Variants in RO60 observed in about 807,000 individuals in gnomAD.
RO60 encodes RNA-binding protein RO60.
Under a neutral mutation model 55.3 loss-of-function variants are expected in RO60, and 20 were observed. The ratio of observed to expected loss-of-function variants is 0.36; its 90% CI spans 0.25 to 0.53. The LOEUF is 0.53. Ranked by LOEUF, RO60 falls within the 20% of genes least tolerant of loss-of-function variation. The pLI is 0.92. For synonymous variants in RO60, 213 were observed against 213.6 expected (o/e 1.00, Z 0.02); for missense variants, 558 against 646.6 (o/e 0.86, Z 1.49).
intron 5 of RO60, among the ~76,000 whole-genome samples, chr1:193,080,005 C>T (rs1036995352): frequency 6.6e-6 from 1 of 151,266 alleles, no homozygotes; most frequent in Non-Finnish European, 1.5e-5. Flanking sequence ...GTGGCGGGCG[C>T]CTGTAATCCC....
intron 2 of RO60, among the ~76,000 whole-genome samples, chr1:193,075,616 A>T (rs1302376106): frequency 6.6e-6 from 1 of 152,088 alleles, no homozygotes; most frequent in Non-Finnish European, 1.5e-5. Flanking sequence ...CTAAAGTCTC[A>T]TATTTAAATA....
intron 2 of RO60, among the ~76,000 whole-genome samples, chr1:193,071,161 G>A (rs546391755): frequency 6.6e-6 from 1 of 152,294 alleles, no homozygotes; most frequent in African/African-American, 2.4e-5. Context: ...GTGCTCTTAT[G>A]AGACTAATGC....
chr1:193,082,479 G>A, intron 7 of RO60, 83 bp from the exon 8 acceptor site: 1 of 1,481,992 alleles, frequency 6.7e-7, no homozygotes, highest in African/African-American at 1.4e-5. Flanking sequence ...TGTATATATT[G>A]GTGCTAAACA....
chr1:193,085,087 T>A lies in RO60; in HGVS notation c.*356T>A. ...CCACATCATGTTACTTGAGAAGTGC[T>A]TAACGTTTTCTTAAATGTTTTCATT... On this transcript the variant is annotated 3_prime_UTR_variant, in exon 9 of 9. Coordinates refer to ENST00000400968, the MANE Select transcript of RO60 (RefSeq NM_001173524.2). The A allele has an allele frequency of 6.7e-7, 1 of 1,482,644 alleles. No individual in the cohort carries two copies. The allele number at this position is 1,482,644 out of a possible 1,614,324, so 91.8% of individuals were successfully genotyped here.
chr1:193,076,471 C>G (rs767225023), intron 3 of RO60, 30 bp from the exon 4 acceptor site: 7 of 1,599,642 alleles, frequency 4.4e-6, no homozygotes, highest in Non-Finnish European at 6.0e-6. Flanking sequence ...CCCTTAATTC[C>G]TGGTATTTCT....
chr1:193,060,309 C>T (rs1035681060), intron 1 of RO60: 17 of 314,762 alleles, frequency 5.4e-5, no homozygotes, highest in African/African-American at 3.3e-4. Context: ...GTGTATTAAT[C>T]TAAAAACATT....
chr1:193,084,972 G>T lies in RO60; in HGVS notation c.*241G>T, dbSNP rs995235572. Reference sequence around the variant, plus strand: ...ACTGTAGTTTCCTCTATCTAATAGAGAACTTTTTGTTAACAGACACTGTAA... The same window carrying T: ...ACTGTAGTTTCCTCTATCTAATAGATAACTTTTTGTTAACAGACACTGTAA... On this transcript the variant is annotated 3_prime_UTR_variant, in exon 9 of 9. Coordinates refer to ENST00000400968, the MANE Select transcript of RO60 (RefSeq NM_001173524.2). The T allele has an allele frequency of 1.3e-6, 2 of 1,544,474 alleles. No homozygotes were observed. Among genetic ancestry groups the T allele is most frequent in the South Asian group, 2.4e-5 (2 of 83,522 alleles).
At chr1:193,081,087 T>C (rs979540887) in intron 5 of RO60, among the ~76,000 whole-genome samples, 2 of 152,184 alleles carry the variant, frequency 1.3e-5, no homozygotes, top group East Asian at 1.9e-4. Context: ...AGGAAAGATT[T>C]TAAAAATAGG....
chr1:193,079,696 T>C (rs1674166310), intron 5 of RO60, among the ~76,000 whole-genome samples: 1 of 152,186 alleles, frequency 6.6e-6, no homozygotes, highest in African/African-American at 2.4e-5. Flanking sequence ...AGAAAATATT[T>C]GCAGACCATA....
chr1:193,080,057 G>A (rs1245249637), intron 5 of RO60, among the ~76,000 whole-genome samples: 1 of 151,986 alleles, frequency 6.6e-6, no homozygotes, highest in Non-Finnish European at 1.5e-5. Context: ...CTTGAACCCA[G>A]GAGGTGGAGG....
At position 193,085,222 on chromosome 1, in the gene RO60, A is replaced by T. The variant is rs1334226002; in HGVS notation, c.*491A>T. On this transcript the variant is annotated 3_prime_UTR_variant, in exon 9 of 9. Coordinates refer to ENST00000400968, the MANE Select transcript of RO60 (RefSeq NM_001173524.2). ...AACTTTTATACCAAGGGGGTAAAAA[A>T]AAAAACTAAGGCATTTGATTAAATT... The T allele has an allele frequency of 8.5e-7, 1 of 1,180,676 alleles. No homozygotes were observed. Among genetic ancestry groups the T allele is most frequent in the African/African-American group, 1.6e-5 (1 of 63,794 alleles). 73.1% of individuals were successfully genotyped at this position (1,180,676 alleles called of 1,614,324 possible).
rs1211438638 is a variant in RO60 at position 193,069,158 on chromosome 1, G to A, written c.104G>A (p.Arg35Gln). 19 of 1,614,150 alleles carry A rather than the reference G, an allele frequency of 1.2e-5. No homozygotes were observed. The highest frequency in any genetic ancestry group is 4.5e-5 in the East Asian group (2 of 44,886). Residue 35 changes from arginine to glutamine, a missense_variant, in exon 2 of 9, where the codon CGG becomes CAG. By Grantham distance (43) the Arg-to-Gln change is conservative. Transcript: ENST00000400968. The stretch of plus-strand genomic sequence containing the variant: ...GTCACTGACATGAATCGACTACACC[G>A]GTTCTTATGTTTCGGTTCTGAAGGT... ...WQVTDMNRLH[R>Q]FLCFGSEGGT... is the part of the protein sequence containing the mutation.
At chr1:193,072,582 T>C (rs1673595986) in intron 2 of RO60, among the ~76,000 whole-genome samples, 1 of 152,188 alleles carries the variant, frequency 6.6e-6, no homozygotes, top group Non-Finnish European at 1.5e-5. Context: ...TGTGGTTTTT[T>C]CCTAACATTT....
chr1:193,059,634 T>G lies in RO60; in HGVS notation c.-164T>G. On this transcript the variant is annotated 5_prime_UTR_variant, in exon 1 of 9. Coordinates refer to ENST00000400968, the MANE Select transcript of RO60 (RefSeq NM_001173524.2). This position sits in a 1 kb window ranked among gnomAD's most constrained non-coding sequence, Gnocchi z 4.9. Reference sequence around the variant, plus strand: ...AGGACTCGTTCCCGGGAACCGAACCTGGAATCCCCGGCGGCAGTGGGGCTG... The same window carrying G: ...AGGACTCGTTCCCGGGAACCGAACCGGGAATCCCCGGCGGCAGTGGGGCTG... 3 of 1,398,328 alleles carry G rather than the reference T, an allele frequency of 2.1e-6. No individual in the cohort carries two copies. Among genetic ancestry groups the G allele is most frequent in the South Asian group, 1.1e-5 (1 of 87,300 alleles). The allele number at this position is 1,398,328 out of a possible 1,614,324, so 86.6% of individuals were successfully genotyped here. A position where few individuals can be genotyped will look rare whatever the true frequency, so the allele number is the denominator to read the frequency against.
intron 1 of RO60, chr1:193,060,035 C>G: frequency 7.4e-7 from 1 of 1,347,380 alleles, no homozygotes; most frequent in Non-Finnish European, 9.9e-7. Flanking sequence ...CGGGACCGCT[C>G]CTGCTTGTCG....
chr1:193,076,818 A>G (rs1673955255), intron 4 of RO60, 95 bp from the exon 5 acceptor site: 2 of 1,388,950 alleles, frequency 1.4e-6, no homozygotes, highest in African/African-American at 1.5e-5. Flanking sequence ...TCTTTTCTAT[A>G]TGAAATGTAG....
Position 193,084,977 on chromosome 1 carries a change from T to TGTCTG in RO60, c.*246_*247insGTCTG. 1.3e-6 allele frequency: 2 copies of TGTCTG among 1,544,968 alleles called. No individual in the cohort carries two copies. The highest frequency in any genetic ancestry group is 2.4e-5 in the South Asian group (2 of 83,632). On this transcript the variant is annotated 3_prime_UTR_variant, in exon 9 of 9. Transcript: ENST00000400968. ...AGTTTCCTCTATCTAATAGAGAACT[T>TGTCTG]TTTGTTAACAGACACTGTAAAATAG...
At chr1:193,083,567 T>C (rs920395679) in intron 8 of RO60, among the ~76,000 whole-genome samples, 3 of 152,040 alleles carry the variant, frequency 2.0e-5, no homozygotes, top group Non-Finnish European at 4.4e-5. Flanking sequence ...GTTCTCAAAG[T>C]GTGGTTTCCC....
chr1:193,061,231 C>A (rs539342688), intron 1 of RO60, among the ~76,000 whole-genome samples: 2 of 152,278 alleles, frequency 1.3e-5, no homozygotes, highest in East Asian at 3.9e-4. Context: ...TCATTTTTGC[C>A]ACAGTTCCTT....
Sources: allele counts gnomAD v4.1 joint callset (sites outside exome capture counted in the v4.1 genomes callset), GRCh38; gene constraint gnomAD v4.1.1; non-coding constraint Gnocchi (gnomAD v3.1); transcripts MANE v1.5; gene names NCBI Gene and HGNC (gene_info 2026-07-23, HGNC 2026-07-21).